Variants in SMARCA2 observed in about 807,000 individuals in gnomAD.
SMARCA2 encodes SWI/SNF related BAF chromatin remodeling complex subunit ATPase 2, also known as SWI/SNF-related matrix-associated actin-dependent regulator of chromatin subfamily A member 2.
SMARCA2 carries 61 observed loss-of-function variants against 199.8 expected under a neutral mutation model. The observed-to-expected ratio is 0.31, with a 90% CI of 0.25 to 0.38. The LOEUF is 0.38. Among genes scored for constraint, SMARCA2 ranks in the 10% least tolerant of loss-of-function variants. The probability of loss-of-function intolerance (pLI) is 1.00; values close to 1 mark genes in which losing one functional copy is unlikely to be tolerated. For synonymous variants in SMARCA2, 935 were observed against 732.0 expected, an observed-to-expected ratio of 1.28 and a Z score of -4.48; for missense variants, 1,344 against 2,012.2, an observed-to-expected ratio of 0.67 and a Z score of 6.35.
intron 9 of SMARCA2, among the ~76,000 whole-genome samples, chr9:2,065,637 G>C (rs1047512582): frequency 6.6e-6 from 1 of 152,166 alleles, no homozygotes; most frequent in Non-Finnish European, 1.5e-5. Context: ...AAAAGAGCTT[G>C]AAAAGCAAAG....
At chr9:2,047,619 A>C (rs528494609) in intron 5 of SMARCA2, 135 bp downstream of exon 5, 5 of 1,080,772 alleles carry the variant, frequency 4.6e-6, no homozygotes, top group South Asian at 4.0e-5. Context: ...ACTTTCATCC[A>C]CTCCTGGGGC....
At chr9:2,050,459 TC>T (rs1286534829) in intron 5 of SMARCA2, among the ~76,000 whole-genome samples, 1 of 152,162 alleles carries the variant, frequency 6.6e-6, no homozygotes, top group African/African-American at 2.4e-5. Context: ...GTAAACTAAT[TC>T]CACACATGTT....
chr9:2,056,723 G>A lies in SMARCA2; in HGVS notation c.1225G>A (p.Ala409Thr). Residue 409 changes from alanine (A) to threonine (T), a missense_variant, in exon 7 of 34, where the codon GCT (alanine) becomes ACT (threonine). Coordinates refer to ENST00000349721, the MANE Select transcript of SMARCA2 (RefSeq NM_003070.5). The surrounding 1 kb of genome is among the most constrained non-coding windows in gnomAD (Gnocchi z 4.0). ...CMRRDTTLET[A>T]LNSKAYKRSK... is the part of the protein sequence containing the mutation. ...GCGCAGGGACACGACCCTGGAGACG[G>A]CTCTCAACTCCAAAGCATACAAACG... The A allele has an allele frequency of 6.2e-7, 1 of 1,614,164 alleles. No homozygotes were observed. Among genetic ancestry groups the A allele is most frequent in the Non-Finnish European group, 8.5e-7 (1 of 1,180,012 alleles).
At chr9:2,106,198 C>T (rs994582042) in intron 23 of SMARCA2, among the ~76,000 whole-genome samples, 1 of 152,190 alleles carries the variant, frequency 6.6e-6, no homozygotes, top group Non-Finnish European at 1.5e-5. Flanking sequence ...TATGGTGAAA[C>T]CAGGTTCTAA....
rs542138145 is a variant in SMARCA2 at position 2,112,479 on chromosome 9, A to T, written c.3456+2062A>T. 3.4e-5 allele frequency among the ~76,000 whole-genome samples: 5 copies of T among 145,636 alleles called. No homozygotes were observed. In the South Asian group the frequency reaches 1.1e-3, roughly 31 times the overall value. On this transcript the variant is annotated intron_variant, in intron 24 of 33. Transcript: ENST00000349721. ...GATGTTCCACCCCACCCCGCCTCTC[A>T]TTTTTTTTTTTCGTACTTTCTCTCT... is the stretch of plus-strand genomic sequence containing the variant.
At chr9:2,168,981 C>A (rs182472330) in intron 28 of SMARCA2, among the ~76,000 whole-genome samples, 1 of 151,722 alleles carries the variant, frequency 6.6e-6, no homozygotes, top group African/African-American at 2.4e-5. Flanking sequence ...GTTTTCCTCC[C>A]GTCACTCGTG....
Position 2,029,201 on chromosome 9 carries a change from T to C in SMARCA2, c.179T>C (p.Met60Thr). The change falls in exon 2 of 34, where the codon ATG (methionine) becomes ACG (threonine). Residue 60 changes from methionine (M) to threonine (T), a missense_variant. Physicochemically the swap from Met to Thr is moderately conservative, Grantham distance 81 (BLOSUM62 -1). This residue lies in a region of SMARCA2 where 275 missense variants were observed against 247.5 expected (regional missense o/e 1.11). Coordinates refer to ENST00000349721, the MANE Select transcript of SMARCA2 (RefSeq NM_003070.5). ...AGTGTCTCCCATCCTATGCCGACGA[T>C]GGGGTCCACAGACTTCCCACAGGAA... ...PPSVSHPMPT[M>T]GSTDFPQEGM... is the part of the protein sequence containing the mutation. 1 of 1,613,394 alleles carries C rather than the reference T, an allele frequency of 6.2e-7. No homozygotes were observed. Among genetic ancestry groups the C allele is most frequent in the Non-Finnish European group, 8.5e-7 (1 of 1,179,664 alleles).
chr9:2,181,001 G>A (rs1411608073), intron 29 of SMARCA2, among the ~76,000 whole-genome samples: 2 of 151,998 alleles, frequency 1.3e-5, no homozygotes, highest in East Asian at 3.9e-4. Flanking sequence ...AGGTATGTGT[G>A]GTTTACAGTA....
chr9:2,146,924 A>G (rs1824778625), intron 27 of SMARCA2, among the ~76,000 whole-genome samples: 2 of 152,138 alleles, frequency 1.3e-5, no homozygotes, highest in Admixed American at 1.3e-4. Context: ...TATGACCTGT[A>G]TCTTGTGCTG....
chr9:2,063,035 G>T (rs189544610), intron 9 of SMARCA2, among the ~76,000 whole-genome samples: 19 of 152,226 alleles, frequency 1.2e-4, no homozygotes, highest in African/African-American at 4.3e-4. Context: ...TATCTCACAT[G>T]ATCAATGTGC....
At chr9:2,138,232 T>C (rs754482580) in intron 27 of SMARCA2, among the ~76,000 whole-genome samples, 16 of 151,814 alleles carry the variant, frequency 1.1e-4, no homozygotes, top group Non-Finnish European at 1.9e-4. Context: ...AGACAAAAAG[T>C]ATTAATTGGA....
At chr9:2,178,432 T>C (rs1440748788) in intron 29 of SMARCA2, among the ~76,000 whole-genome samples, 1 of 152,152 alleles carries the variant, frequency 6.6e-6, no homozygotes, top group Non-Finnish European at 1.5e-5. Flanking sequence ...GCAATTTATA[T>C]TTAGGCCTTA....
At chr9:2,177,154 A>G (rs1441622147) in intron 29 of SMARCA2, among the ~76,000 whole-genome samples, 1 of 152,152 alleles carries the variant, frequency 6.6e-6, no homozygotes, top group African/African-American at 2.4e-5. Context: ...CTTCATAGGA[A>G]CCTGAACCTG....
chr9:2,113,955 A>G (rs1366954994), intron 24 of SMARCA2, among the ~76,000 whole-genome samples: 1 of 152,260 alleles, frequency 6.6e-6, no homozygotes, highest in African/African-American at 2.4e-5. Context: ...GAAAAAGAGT[A>G]TCAGCCTTCT....
rs943929265 is a variant in SMARCA2 at position 2,047,649 on chromosome 9, G to A, written c.1046+165G>A. On this transcript the variant is annotated intron_variant, in intron 5 of 33. Coordinates refer to ENST00000349721, the MANE Select transcript of SMARCA2 (RefSeq NM_003070.5). ...TGGGGCCTTCCCGGTGCTGAGGGGA[G>A]GCACCGGGGTTTTGAAGATCAAAAG... 34 of 843,488 alleles carry A rather than the reference G, an allele frequency of 4.0e-5. No individual in the cohort carries two copies. The Middle Eastern group carries it at 2.7e-3, about 66-fold the overall frequency. 52.3% of individuals were successfully genotyped at this position (843,488 alleles called of 1,614,324 possible). A position where few individuals can be genotyped will look rare whatever the true frequency, so the allele number is the denominator to read the frequency against.
intron 27 of SMARCA2, among the ~76,000 whole-genome samples, chr9:2,129,684 C>G (rs1823854487): frequency 6.6e-6 from 1 of 152,208 alleles, no homozygotes; most frequent in Non-Finnish European, 1.5e-5. Context: ...CAGACTGGCT[C>G]ACATCCCCAA....
chr9:2,070,905 T>G (rs1226920868), intron 10 of SMARCA2, among the ~76,000 whole-genome samples: 2 of 152,268 alleles, frequency 1.3e-5, no homozygotes, highest in Non-Finnish European at 2.9e-5. Flanking sequence ...AACTTATTTT[T>G]GAAATTTTTA....
chr9:2,088,356 G>A (rs1002020928), intron 18 of SMARCA2, 144 bp from the exon 19 acceptor site: 3 of 829,846 alleles, frequency 3.6e-6, no homozygotes, highest in Non-Finnish European at 5.2e-6. Flanking sequence ...ATAATTCAGA[G>A]GTAGATATGA....
At chr9:2,144,178 C>G (rs954474906) in intron 27 of SMARCA2, among the ~76,000 whole-genome samples, 1 of 152,044 alleles carries the variant, frequency 6.6e-6, no homozygotes, top group East Asian at 1.9e-4. Context: ...TGAATGAGCC[C>G]AAGAGGCAGG....
Sources: allele counts gnomAD v4.1 joint callset (sites outside exome capture counted in the v4.1 genomes callset), GRCh38; gene constraint gnomAD v4.1.1; regional missense constraint gnomAD v4.1.1; non-coding constraint Gnocchi (gnomAD v3.1); transcripts MANE v1.5; gene names NCBI Gene and HGNC (gene_info 2026-07-23, HGNC 2026-07-21).